GTF2F2: variants seen among roughly 807,000 people sequenced by gnomAD.
The protein encoded by GTF2F2 is general transcription factor IIF subunit 2.
Under a neutral mutation model 42.2 loss-of-function variants are expected in GTF2F2, and 23 were observed. The observed-to-expected ratio is 0.55, with a 90% CI of 0.39 to 0.77. The LOEUF (loss-of-function observed/expected upper bound fraction) is 0.77. GTF2F2 is among the 30% of genes least tolerant of loss of function. The probability of loss-of-function intolerance (pLI) is 0.00; values close to 1 mark genes in which losing one functional copy is unlikely to be tolerated. For missense variants in GTF2F2, 261 were observed against 287.2 expected (o/e 0.91, Z 0.66); for synonymous variants, 105 against 100.8 (o/e 1.04, Z -0.25).
At chr13:45,164,143 G>C (rs990274402) in intron 4 of GTF2F2, among the ~76,000 whole-genome samples, 2 of 152,154 alleles carry the variant, frequency 1.3e-5, no homozygotes, top group African/African-American at 4.8e-5. Context: ...AGTCCAGCGT[G>C]GTGGCAGACA....
In GTF2F2 at chr13:45,179,772, G is replaced by GT. The variant is rs571895377; in HGVS notation, c.305-27647dup. 2.0e-3 allele frequency among the ~76,000 whole-genome samples: 303 copies of GT among 152,174 alleles called. 3 individuals are homozygous for GT. Among genetic ancestry groups the GT allele is most frequent in the African/African-American group, 6.8e-3 (283 of 41,522 alleles). On this transcript the variant is annotated intron_variant, in intron 4 of 7. Transcript: ENST00000340473. Reference sequence around the variant, plus strand: ...TAAGATTTTATTAAGCTTTTTAATTGTTTTTCAGAGGGAGATTTTATCTAA... The same window carrying GT: ...TAAGATTTTATTAAGCTTTTTAATTGTTTTTTCAGAGGGAGATTTTATCTAA...
intron 4 of GTF2F2, among the ~76,000 whole-genome samples, chr13:45,185,233 G>A (rs1289131773): frequency 6.6e-6 from 1 of 152,004 alleles, no homozygotes; most frequent in Non-Finnish European, 1.5e-5. Flanking sequence ...GTCTTATTAA[G>A]GACAATCTGC....
intron 2 of GTF2F2, among the ~76,000 whole-genome samples, chr13:45,137,026 A>C (rs2138101461): frequency 6.6e-6 from 1 of 152,294 alleles, no homozygotes; most frequent in Non-Finnish European, 1.5e-5. Flanking sequence ...CTGGTGGTAT[A>C]AATATAATAT....
intron 5 of GTF2F2, among the ~76,000 whole-genome samples, chr13:45,229,117 A>G (rs1016878124): frequency 2.0e-5 from 3 of 152,184 alleles, no homozygotes; most frequent in Non-Finnish European, 4.4e-5. Flanking sequence ...TCCTGACCTC[A>G]GGTGATCTGC....
At chr13:45,147,633 C>T (rs1870262366) in intron 2 of GTF2F2, among the ~76,000 whole-genome samples, 1 of 152,154 alleles carries the variant, frequency 6.6e-6, no homozygotes, top group African/African-American at 2.4e-5. Flanking sequence ...TAAGATACTT[C>T]CTCAACAAAG....
intron 5 of GTF2F2, among the ~76,000 whole-genome samples, chr13:45,221,365 G>A (rs1210827894): frequency 6.6e-6 from 1 of 152,150 alleles, no homozygotes; most frequent in Non-Finnish European, 1.5e-5. Context: ...GTTCAGGACT[G>A]ACTATATAAT....
chr13:45,259,474 T>G (rs1231006051), intron 6 of GTF2F2, among the ~76,000 whole-genome samples: 1 of 151,710 alleles, frequency 6.6e-6, no homozygotes, highest in Non-Finnish European at 1.5e-5. Context: ...ACTGATTTGG[T>G]TAATCTAATG....
At chr13:45,222,526 C>T (rs1874160737) in intron 5 of GTF2F2, among the ~76,000 whole-genome samples, 1 of 152,102 alleles carries the variant, frequency 6.6e-6, no homozygotes, top group Non-Finnish European at 1.5e-5. Context: ...CATAAATGTA[C>T]TTTAGCTTGG....
At chr13:45,232,985 T>A (rs889591344) in intron 5 of GTF2F2, among the ~76,000 whole-genome samples, 1 of 152,314 alleles carries the variant, frequency 6.6e-6, no homozygotes. Flanking sequence ...CACTTGACCA[T>A]CTGTTACAAA....
At chr13:45,262,032 A>G (rs1876362936) in intron 6 of GTF2F2, among the ~76,000 whole-genome samples, 1 of 152,182 alleles carries the variant, frequency 6.6e-6, no homozygotes, top group Non-Finnish European at 1.5e-5. Flanking sequence ...CTGATACCAC[A>G]GAGCAGAATT....
intron 7 of GTF2F2, among the ~76,000 whole-genome samples, chr13:45,276,082 A>G (rs187571960): frequency 6.6e-6 from 1 of 152,370 alleles, no homozygotes; most frequent in East Asian, 1.9e-4. Flanking sequence ...GGGAATAGTG[A>G]CCCAAAAAAG....
chr13:45,232,165 C>T (rs1455070349), intron 5 of GTF2F2, among the ~76,000 whole-genome samples: 1 of 152,166 alleles, frequency 6.6e-6, no homozygotes, highest in Non-Finnish European at 1.5e-5. Flanking sequence ...ACATGGCCTC[C>T]ATCATCATAA....
intron 5 of GTF2F2, among the ~76,000 whole-genome samples, chr13:45,228,320 G>C (rs181895409): frequency 5.3e-3 from 463 of 87,868 alleles, no homozygotes; most frequent in African/African-American, 0.022. Context: ...TTTCACTCTT[G>C]TTGCCAGAAA....
rs1871946175 is a variant in GTF2F2, at chr13:45,177,610, C to T, written c.304+25779C>T. Reference sequence around the variant, plus strand: ...TATCACTGTGTATGTGTTCAAATGACCCTTATTTTACTTAATAATGGCCCC... The same window carrying T: ...TATCACTGTGTATGTGTTCAAATGATCCTTATTTTACTTAATAATGGCCCC... On this transcript the variant is annotated intron_variant, in intron 4 of 7. Coordinates refer to ENST00000340473, the MANE Select transcript of GTF2F2 (RefSeq NM_004128.3). 2.0e-5 allele frequency among the ~76,000 whole-genome samples: 3 copies of T among 152,092 alleles called. No individual in the cohort carries two copies. The South Asian group carries it at 6.2e-4, about 32-fold the overall frequency.
intron 4 of GTF2F2, chr13:45,194,103 T>C: frequency 6.2e-7 from 1 of 1,614,108 alleles, no homozygotes; most frequent in Non-Finnish European, 8.5e-7. Flanking sequence ...AGAAGATTCT[T>C]AATCCTTGTG....
intron 5 of GTF2F2, among the ~76,000 whole-genome samples, chr13:45,244,821 C>T (rs1169522978): frequency 6.6e-6 from 1 of 152,196 alleles, no homozygotes; most frequent in Non-Finnish European, 1.5e-5. Context: ...CAGATGTGAG[C>T]CACCATGCCT....
chr13:45,267,238 A>AT lies in GTF2F2; in HGVS notation c.493dup (p.Tyr165LeufsTer2), dbSNP rs1179909172. ...CCTTTGCTGTTTGCATATAGATCGA[A>AT]TATGAAAGGAAAAAGAAAGAAGACG... On this transcript the variant is annotated frameshift_variant, in exon 7 of 8. Coordinates refer to ENST00000340473, the MANE Select transcript of GTF2F2 (RefSeq NM_004128.3). LOFTEE classifies it high-confidence loss of function. 1 of 1,611,968 alleles carries AT rather than the reference A, an allele frequency of 6.2e-7. No individual in the cohort carries two copies. The highest frequency in any genetic ancestry group is 1.3e-5 in the African/African-American group (1 of 74,852).
chr13:45,148,389 C>G (rs896406796), intron 2 of GTF2F2, among the ~76,000 whole-genome samples: 6 of 152,130 alleles, frequency 3.9e-5, no homozygotes, highest in African/African-American at 1.4e-4. Context: ...AGTTTATCTC[C>G]TCCCCTTTCT....
intron 7 of GTF2F2, among the ~76,000 whole-genome samples, chr13:45,280,576 G>A (rs1475819825): frequency 6.6e-6 from 1 of 152,096 alleles, no homozygotes; most frequent in South Asian, 2.1e-4. Flanking sequence ...TGTTGCTTGA[G>A]AAATTGACTG....
Sources: allele counts gnomAD v4.1 joint callset (sites outside exome capture counted in the v4.1 genomes callset), GRCh38; gene constraint gnomAD v4.1.1; transcripts MANE v1.5; gene names NCBI Gene and HGNC (gene_info 2026-07-23, HGNC 2026-07-21).